ITGA9: variants seen among roughly 807,000 people sequenced by gnomAD.
The protein encoded by ITGA9 is integrin subunit alpha 9.
Under a neutral mutation model 127.8 loss-of-function variants are expected in ITGA9, and 56 were observed. The observed-to-expected ratio is 0.44, with a 90% confidence interval of 0.35 to 0.55. ITGA9 has a LOEUF of 0.55. ITGA9 is among the 20% of genes least tolerant of loss of function. The pLI is 0.00. For synonymous variants in ITGA9, 508 were observed against 514.5 expected (o/e 0.99, Z 0.17); for missense variants, 1,196 against 1,347.1 (o/e 0.89, Z 1.76).
At chr3:37,527,851 T>C (rs1386618524) in intron 13 of ITGA9, among the ~76,000 whole-genome samples, 4 of 152,030 alleles carry the variant, frequency 2.6e-5, no homozygotes, top group African/African-American at 9.7e-5. Context: ...AATGGTGTGA[T>C]CTCAGCTCAC....
intron 23 of ITGA9, among the ~76,000 whole-genome samples, chr3:37,758,370 A>G (rs1386172372): frequency 6.9e-6 from 1 of 144,994 alleles, no homozygotes; most frequent in African/African-American, 2.5e-5. Flanking sequence ...ATTGATTCCT[A>G]TTAGAAGAAT....
At chr3:37,769,165 C>G (rs1254073402) in intron 23 of ITGA9, among the ~76,000 whole-genome samples, 1 of 151,646 alleles carries the variant, frequency 6.6e-6, no homozygotes. Context: ...ATGGTGAAAC[C>G]CCATCTCTAC....
At chr3:37,591,438 C>T (rs887530095) in intron 15 of ITGA9, among the ~76,000 whole-genome samples, 2 of 152,204 alleles carry the variant, frequency 1.3e-5, no homozygotes, top group Non-Finnish European at 1.5e-5. Context: ...GAGTGCCCCC[C>T]TGGCTGTATA....
rs573135259 is a variant in ITGA9 at position 37,670,073 on chromosome 3, GT to G, written c.1917-13786del. ...TGCTGTTCTTTCAGTTAACAGTTGT[GT>G]TTTTTCCAAGAAAAAAAAGAAATAC... On this transcript the variant is annotated intron_variant, in intron 17 of 27. Coordinates refer to ENST00000264741, the MANE Select transcript of ITGA9 (RefSeq NM_002207.3). Among the ~76,000 whole-genome samples, 866 of 148,114 alleles carry G rather than the reference GT, an allele frequency of 5.8e-3. 7 individuals carry two copies. Among genetic ancestry groups the G allele is most frequent in the Non-Finnish European group, 7.5e-3 (505 of 67,020 alleles).
At chr3:37,818,191 T>TTAAAAAAAA (rs1553674108) in intron 27 of ITGA9, 1 of 31,970 alleles carries the variant, frequency 3.1e-5, no homozygotes, top group African/African-American at 9.4e-5. Flanking sequence ...TAAGACTCTC[T>TTAAAAAAAA]AAAAAAAAAA....
chr3:37,650,427 A>ATGTT (rs773564552), intron 16 of ITGA9, among the ~76,000 whole-genome samples: 16 of 151,958 alleles, frequency 1.1e-4, no homozygotes, highest in South Asian at 4.2e-4. Flanking sequence ...CCATCCATTA[A>ATGTT]TGTTTGTTTG....
At chr3:37,533,509 C>T (rs778182655) in intron 14 of ITGA9, 41 bp downstream of exon 14, 7 of 1,600,098 alleles carry the variant, frequency 4.4e-6, no homozygotes, top group Non-Finnish European at 5.1e-6. Flanking sequence ...ACCCGTTTAG[C>T]TGGAGTGGGC....
At chr3:37,697,103 A>G (rs1345096051) in intron 18 of ITGA9, among the ~76,000 whole-genome samples, 4 of 152,126 alleles carry the variant, frequency 2.6e-5, no homozygotes, top group Non-Finnish European at 5.9e-5. Flanking sequence ...CAAAGAGAAT[A>G]TGTCTGTATA....
intron 17 of ITGA9, among the ~76,000 whole-genome samples, chr3:37,664,594 A>G (rs1421026387): frequency 1.3e-5 from 2 of 150,090 alleles, no homozygotes; most frequent in African/African-American, 4.9e-5. Flanking sequence ...CTAATTTTCT[A>G]TTTTTAGTAA....
At chr3:37,495,427 C>G (rs1384074737) in intron 5 of ITGA9, among the ~76,000 whole-genome samples, 1 of 152,190 alleles carries the variant, frequency 6.6e-6, no homozygotes, top group Non-Finnish European at 1.5e-5. Context: ...CCCTTCGTAT[C>G]AGTTCCTCCT....
intron 1 of ITGA9, among the ~76,000 whole-genome samples, chr3:37,463,459 A>T (rs550952352): frequency 6.6e-6 from 1 of 152,166 alleles, no homozygotes; most frequent in Admixed American, 6.5e-5. Context: ...GGGAGGGCTT[A>T]TTTTTGCTCC....
chr3:37,522,259 G>T (rs1211978774), intron 11 of ITGA9, among the ~76,000 whole-genome samples: 1 of 152,176 alleles, frequency 6.6e-6, no homozygotes, highest in African/African-American at 2.4e-5. Context: ...AAAGGCAGAA[G>T]GAGTAGGTCA....
intron 23 of ITGA9, among the ~76,000 whole-genome samples, chr3:37,766,679 G>C (rs1696783416): frequency 6.6e-6 from 1 of 152,174 alleles, no homozygotes. Flanking sequence ...TAAACAAGCA[G>C]ATACAATTCC....
At chr3:37,777,167 C>G (rs764060030) in intron 23 of ITGA9, among the ~76,000 whole-genome samples, 1 of 152,188 alleles carries the variant, frequency 6.6e-6, no homozygotes, top group African/African-American at 2.4e-5. Flanking sequence ...TATATGCCAT[C>G]TCATCAATTA....
At chr3:37,470,308 G>A (rs1464194755) in intron 1 of ITGA9, among the ~76,000 whole-genome samples, 1 of 152,058 alleles carries the variant, frequency 6.6e-6, no homozygotes, top group East Asian at 1.9e-4. Context: ...TTTTCCCAGT[G>A]GTTTTAATGG....
chr3:37,530,732 T>G (rs1252041128), intron 13 of ITGA9, among the ~76,000 whole-genome samples: 5 of 12,614 alleles, frequency 4.0e-4, no homozygotes, highest in African/African-American at 1.9e-3. Context: ...TTTTTTTTTT[T>G]TTTTTTTTTT....
At chr3:37,627,982 TC>T (rs2125634769) in intron 15 of ITGA9, among the ~76,000 whole-genome samples, 1 of 152,164 alleles carries the variant, frequency 6.6e-6, no homozygotes, top group African/African-American at 2.4e-5. Context: ...GGGAGCAAAT[TC>T]CTCCCCGTGT....
At chr3:37,733,444 T>G (rs1357823073) in intron 19 of ITGA9, among the ~76,000 whole-genome samples, 1 of 130,152 alleles carries the variant, frequency 7.7e-6, no homozygotes, top group African/African-American at 3.0e-5. Context: ...AACTAGAATC[T>G]AAAAGACCAA....
chr3:37,640,649 G>C (rs1280846385), intron 16 of ITGA9, among the ~76,000 whole-genome samples: 1 of 152,166 alleles, frequency 6.6e-6, no homozygotes, highest in Non-Finnish European at 1.5e-5. Flanking sequence ...CTGAACTCCG[G>C]TAACTTATTA....
Sources: gnomAD v4.1 joint callset for allele counts (sites outside exome capture counted in the v4.1 genomes callset) on GRCh38, gnomAD v4.1.1 for gene constraint, MANE v1.5 for transcripts, NCBI Gene and HGNC (gene_info 2026-07-23, HGNC 2026-07-21) for gene names.